IGFBP6: variants seen among roughly 807,000 people sequenced by gnomAD.
IGFBP6 encodes the protein insulin-like growth factor-binding protein 6.
A neutral mutation model predicts 24.5 loss-of-function variants in IGFBP6; 24 were observed. The ratio of observed to expected loss-of-function variants is 0.98; its 90% CI spans 0.71 to 1.38. The LOEUF is 1.38. Among genes scored for constraint, IGFBP6 ranks in the 40% most tolerant of loss-of-function variants. IGFBP6 has a pLI of 0.00. For synonymous variants in IGFBP6, 147 were observed against 137.4 expected (o/e 1.07, Z -0.49); for missense variants, 331 against 324.8 (o/e 1.02, Z -0.15).
chr12:53,101,971 A>G lies in IGFBP6; in HGVS notation c.601-74A>G. 14 of 1,440,648 alleles carry G rather than the reference A, an allele frequency of 9.7e-6. 1 individual carries two copies. Among genetic ancestry groups the G allele is most frequent in the Non-Finnish European group, 1.1e-5 (12 of 1,060,088 alleles). 89.2% of individuals were successfully genotyped at this position (1,440,648 alleles called of 1,614,324 possible). On this transcript the variant is annotated intron_variant, in intron 3 of 3. Transcript: ENST00000301464. Reference sequence around the variant, plus strand: ...CGCTCAGGTGTTTTTACATCCTCAGACTCAGATGTCCCCTCTCATTCTCCT... The same window carrying G: ...CGCTCAGGTGTTTTTACATCCTCAGGCTCAGATGTCCCCTCTCATTCTCCT...
In IGFBP6 at chr12:53,097,944, C is replaced by T. The variant is rs1272778135; in HGVS notation, c.227C>T (p.Pro76Leu). Residue 76 changes from proline to leucine, a missense_variant, in exon 1 of 4, where the codon CCT becomes CTT. By Grantham distance (98) the Pro-to-Leu change is moderately conservative. Transcript: ENST00000301464. ...GGGCAGGAGTGCGGGGTCTACACCC[C>T]TAACTGCGCCCCAGGACTGCAGTGC... ...REGQECGVYT[P>L]NCAPGLQCHP... 3.3e-6 allele frequency: 5 copies of T among 1,512,040 alleles called. No individual in the cohort carries two copies. The highest frequency in any genetic ancestry group is 1.4e-5 in the African/African-American group (1 of 71,262). 93.7% of individuals were successfully genotyped at this position (1,512,040 alleles called of 1,614,324 possible). A position where few individuals can be genotyped will look rare whatever the true frequency, so the allele number is the denominator to read the frequency against.
chr12:53,100,951 T>C (rs1054967819), intron 2 of IGFBP6, 90 bp from the exon 3 acceptor site: 1 of 1,605,702 alleles, frequency 6.2e-7, no homozygotes, highest in African/African-American at 1.3e-5. Flanking sequence ...GTCTCCATTG[T>C]CTGTCCTGGG....
At chr12:53,099,777 G>C (rs570677854) in intron 1 of IGFBP6, among the ~76,000 whole-genome samples, 9 of 150,958 alleles carry the variant, frequency 6.0e-5, no homozygotes, top group Admixed American at 3.3e-4. Flanking sequence ...TAAGTAATTA[G>C]TTAATTTTTT....
rs1048859730 is a variant in IGFBP6 at position 53,099,652 on chromosome 12, C to T, written c.335-1060C>T. 8.5e-5 allele frequency among the ~76,000 whole-genome samples: 13 copies of T among 152,154 alleles called. No homozygotes were observed. In the East Asian group the frequency reaches 2.1e-3, roughly 25 times the overall value. On this transcript the variant is annotated intron_variant, in intron 1 of 3. Coordinates refer to ENST00000301464, the MANE Select transcript of IGFBP6 (RefSeq NM_002178.3). ...CTCTGGTGGAACAGCCAGGTCTTTTCACCCAAAGCCCAAAGCCCCAAATAG... is the reference window on the plus strand; with the variant it reads ...CTCTGGTGGAACAGCCAGGTCTTTTTACCCAAAGCCCAAAGCCCCAAATAG...
At position 53,102,246 on chromosome 12, in the gene IGFBP6, A is replaced by C. The variant is rs989715194; in HGVS notation, c.*79A>C. On this transcript the variant is annotated 3_prime_UTR_variant, in exon 4 of 4. Transcript: ENST00000301464. ...CACTCAACAAAAAACCGAGGCCCTC[A>C]ATCCACCTTCAGGCCCCGCCCCATG... The C allele has an allele frequency of 5.8e-5, 89 of 1,546,084 alleles. No individual in the cohort carries two copies. Among genetic ancestry groups the C allele is most frequent in the Non-Finnish European group, 7.6e-5 (86 of 1,137,248 alleles).
In IGFBP6 at chr12:53,097,933, G is replaced by A. The variant is rs11544717; in HGVS notation, c.216G>A (p.Gly72=). 1,816 of 1,510,670 alleles carry A rather than the reference G, an allele frequency of 1.2e-3. 3 individuals are homozygous for A. Among genetic ancestry groups the A allele is most frequent in the Middle Eastern group, 6.8e-3 (38 of 5,628 alleles). 93.6% of individuals were successfully genotyped at this position (1,510,670 alleles called of 1,614,324 possible). The part of the protein sequence containing the change: ...GCLRREGQEC[G]VYTPNCAPGL... The stretch of plus-strand genomic sequence containing the variant: ...TCAGGAGGGAGGGGCAGGAGTGCGG[G>A]GTCTACACCCCTAACTGCGCCCCAG... The change falls in exon 1 of 4, where the codon GGG becomes GGA. Residue 72 remains glycine (G), a synonymous_variant. Coordinates refer to ENST00000301464, the MANE Select transcript of IGFBP6 (RefSeq NM_002178.3).
chr12:53,101,878 G>A (rs1174376845), intron 3 of IGFBP6, among the ~76,000 whole-genome samples, 167 bp from the exon 4 acceptor site: 7 of 119,998 alleles, frequency 5.8e-5, no homozygotes, highest in African/African-American at 1.9e-4. Context: ...CAGCCAGGGC[G>A]ACAGAGCGAG....
At chr12:53,100,976 G>T in intron 2 of IGFBP6, 65 bp from the exon 3 acceptor site, 1 of 1,605,068 alleles carries the variant, frequency 6.2e-7, no homozygotes. Flanking sequence ...TGCCTGGTGG[G>T]CCAGAAGGTT....
At position 53,100,814 on chromosome 12, in the gene IGFBP6, C is replaced by T. The variant is rs765946180; in HGVS notation, c.437C>T (p.Thr146Met). Residue 146 changes from threonine (T) to methionine (M), a missense_variant, in exon 2 of 4, where the codon ACG becomes ATG. By Grantham distance (81) the Thr-to-Met change is moderately conservative (BLOSUM62 -1). Coordinates refer to ENST00000301464, the MANE Select transcript of IGFBP6 (RefSeq NM_002178.3). ...CAGAGGAATCCAGGCACCTCTACCA[C>T]GCCCTCCCAGCCCAATTCTGCGGGT... is the stretch of plus-strand genomic sequence containing the variant. ...DQQRNPGTST[T>M]PSQPNSAGVQ... The T allele has an allele frequency of 2.0e-5, 32 of 1,614,078 alleles. 1 individual carries two copies. Among genetic ancestry groups the T allele is most frequent in the Middle Eastern group, 1.6e-4 (1 of 6,084 alleles).
chr12:53,099,984 G>A (rs1019712164), intron 1 of IGFBP6, among the ~76,000 whole-genome samples: 3 of 151,546 alleles, frequency 2.0e-5, no homozygotes, highest in African/African-American at 2.4e-5. Context: ...CTCAGCCTCC[G>A]GAGTAGCTGG....
intron 1 of IGFBP6, 122 bp from the exon 2 acceptor site, chr12:53,100,590 C>A: frequency 1.2e-6 from 1 of 830,850 alleles, no homozygotes; most frequent in South Asian, 1.6e-5. Flanking sequence ...CTAGGGCCAG[C>A]ATCATGCAAC....
At chr12:53,101,013 T>G (rs1565623896) in intron 2 of IGFBP6, 28 bp from the exon 3 acceptor site, 1 of 1,612,406 alleles carries the variant, frequency 6.2e-7, no homozygotes, top group Non-Finnish European at 8.5e-7. Flanking sequence ...CTGGAGCGGT[T>G]CTAAGCTGCC....
intron 1 of IGFBP6, 63 bp downstream of exon 1, chr12:53,098,114 G>A (rs891597147): frequency 7.3e-7 from 1 of 1,374,100 alleles, no homozygotes; most frequent in Non-Finnish European, 9.3e-7. Context: ...GCAGGGTCCT[G>A]GGGAGACGGG....
At chr12:53,099,836 TTAATTAAG>T (rs1265249638) in intron 1 of IGFBP6, among the ~76,000 whole-genome samples, 1 of 151,650 alleles carries the variant, frequency 6.6e-6, no homozygotes, top group East Asian at 1.9e-4. Context: ...TTAATTTTTT[TTAATTAAG>T]TAATTAATTA....
rs1937762837 is a variant in IGFBP6 at position 53,097,806 on chromosome 12, C to A, written c.89C>A (p.Pro30Gln). The change falls in exon 1 of 4, where the codon CCA (proline) becomes CAA (glutamine). Residue 30 changes from proline to glutamine, a missense_variant. Pro to Gln is a moderately conservative substitution (Grantham distance 76). Transcript: ENST00000301464. ...CCAGGAGGCGCCTTGGCGCGGTGCCCAGGCTGCGGGCAAGGGGTGCAGGCG... is the reference window on the plus strand; with the variant it reads ...CCAGGAGGCGCCTTGGCGCGGTGCCAAGGCTGCGGGCAAGGGGTGCAGGCG... Reference protein sequence around the residue: ...ASPGGALARCPGCGQGVQAGC... With the variant: ...ASPGGALARCQGCGQGVQAGC... 2 of 1,542,820 alleles carry A rather than the reference C, an allele frequency of 1.3e-6. No individual in the cohort carries two copies. The highest frequency in any genetic ancestry group is 2.0e-5 in the Admixed American group (1 of 50,788).
chr12:53,102,326 G>A lies in IGFBP6; in HGVS notation c.*159G>A. 9.1e-6 allele frequency: 7 copies of A among 767,406 alleles called. No homozygotes were observed. Among genetic ancestry groups the A allele is most frequent in the Non-Finnish European group, 1.4e-5 (7 of 492,956 alleles). The allele number at this position is 767,406 out of a possible 1,614,324, so 47.5% of individuals were successfully genotyped here. On this transcript the variant is annotated 3_prime_UTR_variant, in exon 4 of 4. Transcript: ENST00000301464. ...TGGTGTTGGCTGGGGTGTCAATAAAGCTGTGCTTGGGGTCGCTGGCTTGTG... is the reference window on the plus strand; with the variant it reads ...TGGTGTTGGCTGGGGTGTCAATAAAACTGTGCTTGGGGTCGCTGGCTTGTG...
rs984135850 is a variant in IGFBP6 at position 53,101,178 on chromosome 12, C to T, written c.600+18C>T. 6.2e-7 allele frequency: 1 copy of T among 1,610,488 alleles called. No individual in the cohort carries two copies. Among genetic ancestry groups the T allele is most frequent in the Non-Finnish European group, 8.5e-7 (1 of 1,177,032 alleles). The stretch of plus-strand genomic sequence containing the variant: ...AGCGGCAGGTGAGACTATTTTTCTT[C>T]TCCTCCTGCTCCAGCAGAAGGCTCC... On this transcript the variant is annotated intron_variant, in intron 3 of 3. Transcript: ENST00000301464.
rs965096270 is a variant in IGFBP6, at chr12:53,101,298, A to G, written c.600+138A>G. The G allele has an allele frequency of 3.0e-5, 26 of 874,444 alleles. No homozygotes were observed. In the Admixed American group the frequency reaches 3.8e-4, roughly 13 times the overall value. The allele number at this position is 874,444 out of a possible 1,614,324, so 54.2% of individuals were successfully genotyped here. On this transcript the variant is annotated intron_variant, in intron 3 of 3. Transcript: ENST00000301464. Reference sequence around the variant, plus strand: ...TTCCAACTTTAGGAGAACATAGAGAATATAATTTATTAAACAAACTTAGAG... The same window carrying G: ...TTCCAACTTTAGGAGAACATAGAGAGTATAATTTATTAAACAAACTTAGAG...
chr12:53,099,885 A>G (rs1436192828), intron 1 of IGFBP6, among the ~76,000 whole-genome samples: 3 of 151,920 alleles, frequency 2.0e-5, no homozygotes, highest in Admixed American at 6.6e-5. Context: ...ATTTTGAGAC[A>G]AAGTCTCACT....
Sources: gnomAD v4.1 joint callset for allele counts (sites outside exome capture counted in the v4.1 genomes callset) on GRCh38, gnomAD v4.1.1 for gene constraint, MANE v1.5 for transcripts, NCBI Gene and HGNC (gene_info 2026-07-23, HGNC 2026-07-21) for gene names.